BCOR: variants seen among roughly 807,000 people sequenced by gnomAD.
BCOR encodes BCL6 corepressor.
A neutral mutation model predicts 86.7 loss-of-function variants in BCOR; 10 were observed. The ratio of observed to expected loss-of-function variants is 0.12; its 90% CI spans 0.07 to 0.20. The LOEUF is 0.20. BCOR is among the 10% of genes least tolerant of loss of function. The probability of loss-of-function intolerance (pLI) is 1.00; values close to 1 mark genes in which losing one functional copy is unlikely to be tolerated. For missense variants in BCOR, 1,259 were observed against 1,452.1 expected (o/e 0.87, Z 2.16); for synonymous variants, 611 against 609.0 (o/e 1.00, Z -0.05).
Position 40,074,178 on chromosome X carries a change from T to C in BCOR, c.1168A>G (p.Asn390Asp), listed in dbSNP as rs766850221. 1 of 1,211,041 alleles carries C rather than the reference T, an allele frequency of 8.3e-7. No homozygotes were observed. Among genetic ancestry groups the C allele is most frequent in the East Asian group, 3.0e-5 (1 of 33,767 alleles). The stretch of plus-strand genomic sequence containing the variant: ...TCCGGAGCCTTGGGATACTTGCCAT[T>C]GGAGAGCCTGGCCGCGGGGAACTCG... ...SSEFPAARLS[N>D]GKYPKAPEGG... is the part of the protein sequence containing the mutation. The change falls in exon 4 of 15, where the codon AAT becomes GAT. Residue 390 changes from asparagine to aspartate, a missense_variant. Asn to Asp is a conservative substitution (Grantham distance 23, BLOSUM62 1). This residue lies in a region of BCOR where 534 missense variants were observed against 594.8 expected (regional missense o/e 0.90). Coordinates refer to ENST00000378444, the MANE Select transcript of BCOR (RefSeq NM_001123385.2).
rs1400243587 is a variant in BCOR at position 40,062,484 on chromosome X, G to A, written c.4174-91C>T. 5 of 1,074,742 alleles carry A rather than the reference G, an allele frequency of 4.7e-6. No homozygotes were observed. The Admixed American group carries it at 1.3e-4, about 28-fold the overall frequency. 88.6% of individuals were successfully genotyped at this position (1,074,742 alleles called of 1,213,427 possible). A position where few individuals can be genotyped will look rare whatever the true frequency, so the allele number is the denominator to read the frequency against. On this transcript the variant is annotated intron_variant, in intron 9 of 14. Coordinates refer to ENST00000378444, the MANE Select transcript of BCOR (RefSeq NM_001123385.2). ...CCTCCTCCCCACGTGACAAACCTGCGTGGAGAGAGGCACTTTATTCCTTAT... is the reference window on the plus strand; with the variant it reads ...CCTCCTCCCCACGTGACAAACCTGCATGGAGAGAGGCACTTTATTCCTTAT...
At chrX:40,095,230 GGT>G (rs1936804357) in intron 1 of BCOR, among the ~76,000 whole-genome samples, 2 of 112,171 alleles carry the variant, frequency 1.8e-5, no homozygotes, top group Non-Finnish European at 3.8e-5. Context: ...CCAGATAACA[GGT>G]CGAGAGAGGA....
At chrX:40,061,439 A>G (rs1012339978) in intron 10 of BCOR, among the ~76,000 whole-genome samples, 13 of 111,584 alleles carry the variant, frequency 1.2e-4, no homozygotes, top group Non-Finnish European at 1.9e-4. Flanking sequence ...CGGGAATAAT[A>G]TTAGTTACTA....
rs1224104345 is a variant in BCOR at position 40,055,311 on chromosome X, T to C, written c.4741+57A>G. ...TGCCTAGTCAAATTCCAATCATCTA[T>C]TGTATCGAGTTATCATCTAATTTTT... On this transcript the variant is annotated intron_variant, in intron 12 of 14. Transcript: ENST00000378444. 13 of 1,079,429 alleles carry C rather than the reference T, an allele frequency of 1.2e-5. No homozygotes were observed. The Admixed American group carries it at 2.4e-4, about 20-fold the overall frequency. The allele number at this position is 1,079,429 out of a possible 1,213,427, so 89.0% of individuals were successfully genotyped here.
At chrX:40,161,642 T>C (rs1409858375) in intron 1 of BCOR, among the ~76,000 whole-genome samples, 16 of 105,494 alleles carry the variant, frequency 1.5e-4, no homozygotes, top group Non-Finnish European at 2.3e-4. Flanking sequence ...GCCTCCCGGG[T>C]AGCTGGGACT....
intron 1 of BCOR, 31 bp downstream of exon 1, chrX:40,097,184 C>A (rs1345652446): frequency 2.0e-5 from 2 of 102,388 alleles, no homozygotes; most frequent in African/African-American, 3.5e-5. Flanking sequence ...CGTCCGCGGT[C>A]TCCCGGGGGA....
chrX:40,170,671 A>G (rs1054473934), intron 1 of BCOR, among the ~76,000 whole-genome samples: 1 of 112,004 alleles, frequency 8.9e-6, no homozygotes, highest in Non-Finnish European at 1.9e-5. Context: ...ATTTGACCCA[A>G]TTTAAAGCCT....
intron 1 of BCOR, among the ~76,000 whole-genome samples, chrX:40,127,893 TAAA>T (rs1382682895): frequency 8.1e-4 from 85 of 104,440 alleles, no homozygotes; most frequent in African/African-American, 3.0e-3. Context: ...AATAAATAAA[TAAA>T]TAAATAAATA....
intron 6 of BCOR, 81 bp downstream of exon 6, chrX:40,070,892 A>G (rs948418898): frequency 2.0e-6 from 2 of 987,346 alleles, no homozygotes; most frequent in Non-Finnish European, 2.9e-6. Flanking sequence ...CATTCCATGC[A>G]TGGCAAAAGC....
At chrX:40,130,894 C>T (rs1007575235) in intron 1 of BCOR, among the ~76,000 whole-genome samples, 15 of 111,641 alleles carry the variant, frequency 1.3e-4, no homozygotes, top group African/African-American at 4.6e-4. Context: ...CATCCTGAGG[C>T]ATCTGTCATG....
At chrX:40,098,359 G>C (rs1260452182), upstream of BCOR, among the ~76,000 whole-genome samples, 7 of 108,923 alleles carry the variant, frequency 6.4e-5, no homozygotes, top group Admixed American at 6.6e-4. Context: ...TCCCCAGCTC[G>C]GGCCGAGTTG....
rs1033092772 is a variant in BCOR, at chrX:40,062,248, G to A, written c.4319C>T (p.Pro1440Leu). Residue 1440 changes from proline (P) to leucine (L), a missense_variant, in exon 10 of 15, where the codon CCT (proline) becomes CTT (leucine). Pro to Leu is a moderately conservative substitution (Grantham distance 98). This residue lies in a region of BCOR where 305 missense variants were observed against 286.1 expected (regional missense o/e 1.07). Coordinates refer to ENST00000378444, the MANE Select transcript of BCOR (RefSeq NM_001123385.2). ...AGGGCGAGACTGGGTGGTCTCCTGA[G>A]GGGAACTTGAGCATGGCAGCTGTGT... ...QSTQLPCSSS[P>L]QETTQSRPMP... 2.4e-5 allele frequency: 29 copies of A among 1,209,263 alleles called. No individual in the cohort carries two copies. Among genetic ancestry groups the A allele is most frequent in the Admixed American group, 4.4e-5 (2 of 45,701 alleles).
chrX:40,095,693 T>A lies in BCOR; in HGVS notation c.-41+1522A>T, dbSNP rs1267521679. Among the ~76,000 whole-genome samples, 7 of 112,064 alleles carry A rather than the reference T, an allele frequency of 6.2e-5. No individual in the cohort carries two copies. In the Admixed American group the frequency reaches 6.5e-4, roughly 10 times the overall value. On this transcript the variant is annotated intron_variant, in intron 1 of 14. Coordinates refer to ENST00000378444, the MANE Select transcript of BCOR (RefSeq NM_001123385.2). ...CGTTGGTTTCTTTTTAAGGTTTGTTTCTAAATACACATAACCCTCCTCCTT... is the reference window on the plus strand; with the variant it reads ...CGTTGGTTTCTTTTTAAGGTTTGTTACTAAATACACATAACCCTCCTCCTT...
chrX:40,121,672 G>C (rs765160590), intron 1 of BCOR, among the ~76,000 whole-genome samples: 1 of 112,962 alleles, frequency 8.9e-6, no homozygotes, highest in South Asian at 3.6e-4. Flanking sequence ...GTGTGGCTGA[G>C]AGTAGTGGGA....
At chrX:40,116,324 C>A (rs1021782797) in intron 1 of BCOR, among the ~76,000 whole-genome samples, 6 of 110,209 alleles carry the variant, frequency 5.4e-5, no homozygotes, top group African/African-American at 2.0e-4. Flanking sequence ...CGTGAAACCC[C>A]GTCTCTACTA....
In BCOR at chrX:40,064,391, C is replaced by CGCA; in HGVS notation, c.3444_3446dup (p.Ala1149dup). On this transcript the variant is annotated inframe_insertion, in exon 7 of 15. Transcript: ENST00000378444. The stretch of plus-strand genomic sequence containing the variant: ...GCAGAGGGTCCTCTGGCACCTCCTC[C>CGCA]GCAGTGGTCTCAGTGTGGCTGCTGT... 8.2e-7 allele frequency: 1 copy of CGCA among 1,212,401 alleles called. No individual in the cohort carries two copies. Among genetic ancestry groups the CGCA allele is most frequent in the Non-Finnish European group, 1.1e-6 (1 of 895,628 alleles).
Position 40,174,804 on chromosome X carries a change from C to G in BCOR, c.-41+2203G>C, listed in dbSNP as rs955434814. ...TCCTGAGCATACATTTAATGTTAGGCAAAGAGCAAGTTTCCTATCTACCGT... is the reference window on the plus strand; with the variant it reads ...TCCTGAGCATACATTTAATGTTAGGGAAAGAGCAAGTTTCCTATCTACCGT... On this transcript the variant is annotated intron_variant, in intron 1 of 14. Transcript: ENST00000342274. Among the ~76,000 whole-genome samples the G allele has an allele frequency of 3.0e-4, 34 of 113,016 alleles. 1 individual carries two copies. Among genetic ancestry groups the G allele is most frequent in the Admixed American group, 9.3e-5 (1 of 10,772 alleles).
chrX:40,088,002 T>A (rs1166993879), intron 1 of BCOR, among the ~76,000 whole-genome samples: 1 of 112,370 alleles, frequency 8.9e-6, no homozygotes, highest in African/African-American at 3.2e-5. Flanking sequence ...TATTTCAAGT[T>A]TGCATTTGTA....
At position 40,074,185 on chromosome X, in the gene BCOR, C is replaced by G. The variant is rs368329819; in HGVS notation, c.1161G>C (p.Arg387Ser). The change falls in exon 4 of 15, where the codon AGG becomes AGC. Residue 387 changes from arginine (R) to serine (S), a missense_variant. By Grantham distance (110) the Arg-to-Ser change is moderately radical. Around this residue, in one of 7 missense-constraint regions of BCOR, gnomAD observed 534 missense variants for 594.8 expected, o/e 0.90. Coordinates refer to ENST00000378444, the MANE Select transcript of BCOR (RefSeq NM_001123385.2). The part of the protein sequence containing the change: ...MTVSSEFPAA[R>S]LSNGKYPKAP... ...CCTTGGGATACTTGCCATTGGAGAG[C>G]CTGGCCGCGGGGAACTCGCTGCTAA... 2 of 1,211,014 alleles carry G rather than the reference C, an allele frequency of 1.7e-6. No individual in the cohort carries two copies. The highest frequency in any genetic ancestry group is 3.5e-5 in the African/African-American group (2 of 57,552).
Sources: allele counts gnomAD v4.1 joint callset (sites outside exome capture counted in the v4.1 genomes callset), GRCh38; gene constraint gnomAD v4.1.1; regional missense constraint gnomAD v4.1.1; transcripts MANE v1.5; gene names NCBI Gene and HGNC (gene_info 2026-07-23, HGNC 2026-07-21).